Variants in IQCJ observed in about 807,000 individuals in gnomAD.
IQCJ encodes the protein IQ domain-containing protein J.
In IQCJ, 9 loss-of-function variants were observed where a neutral mutation model predicts 11.0. The ratio of observed to expected loss-of-function variants is 0.82; its 90% CI spans 0.49 to 1.43. IQCJ has a LOEUF of 1.43. Among genes scored for constraint, IQCJ ranks in the 40% most tolerant of loss-of-function variants. IQCJ has a pLI of 0.00. For missense variants in IQCJ, 146 were observed against 133.2 expected (o/e 1.10, Z -0.47); for synonymous variants, 55 against 51.3 (o/e 1.07, Z -0.31).
chr3:159,187,661 G>A (rs896288197), intron 1 of IQCJ, among the ~76,000 whole-genome samples: 1 of 152,194 alleles, frequency 6.6e-6, no homozygotes, highest in South Asian at 2.1e-4. Context: ...AACGGCAGAC[G>A]TTATCAGGGA....
At chr3:159,142,660 T>C (rs1308008441) in intron 1 of IQCJ, among the ~76,000 whole-genome samples, 1 of 152,184 alleles carries the variant, frequency 6.6e-6, no homozygotes, top group Non-Finnish European at 1.5e-5. Flanking sequence ...TCAGGTGATC[T>C]ACCTGCCTCA....
intron 2 of IQCJ, among the ~76,000 whole-genome samples, chr3:159,250,792 G>A (rs143466668): frequency 5.4e-4 from 82 of 152,312 alleles, no homozygotes; most frequent in Admixed American, 2.2e-3. Context: ...TTTGGGTGGG[G>A]AGAGAGCCAG....
At chr3:159,172,123 G>A (rs924795996) in intron 1 of IQCJ, among the ~76,000 whole-genome samples, 4 of 152,056 alleles carry the variant, frequency 2.6e-5, no homozygotes, top group African/African-American at 4.8e-5. Flanking sequence ...AAATAGATAC[G>A]GAAAGCAGCT....
intron 1 of IQCJ, among the ~76,000 whole-genome samples, chr3:159,193,387 T>G (rs918542127): frequency 6.6e-6 from 1 of 152,188 alleles, no homozygotes; most frequent in African/African-American, 2.4e-5. Context: ...CAGGGAGTCT[T>G]CCAAAGGTCA....
chr3:159,144,332 C>T (rs1720796993), intron 1 of IQCJ, among the ~76,000 whole-genome samples: 1 of 152,156 alleles, frequency 6.6e-6, no homozygotes, highest in African/African-American at 2.4e-5. Flanking sequence ...CAGTTGTGTG[C>T]AGGAACACTA....
intron 1 of IQCJ, among the ~76,000 whole-genome samples, chr3:159,078,080 C>A (rs927034166): frequency 1.3e-5 from 1 of 75,456 alleles, no homozygotes; most frequent in African/African-American, 3.1e-5. Flanking sequence ...AGTCCTGTGG[C>A]AAAATTTCCT....
chr3:159,184,840 G>A (rs999608005), intron 1 of IQCJ, among the ~76,000 whole-genome samples: 1 of 152,138 alleles, frequency 6.6e-6, no homozygotes, highest in Non-Finnish European at 1.5e-5. Flanking sequence ...GTGTAGTACA[G>A]GTTTACTAAA....
At chr3:159,087,605 T>A (rs1051253231) in intron 1 of IQCJ, among the ~76,000 whole-genome samples, 5 of 147,374 alleles carry the variant, frequency 3.4e-5, no homozygotes, top group Non-Finnish European at 7.6e-5. Context: ...ATCCTGTTAT[T>A]GGTCTATTCA....
intron 1 of IQCJ, among the ~76,000 whole-genome samples, chr3:159,090,370 C>T (rs934816874): frequency 2.6e-5 from 4 of 151,982 alleles, no homozygotes; most frequent in South Asian, 2.1e-4. Flanking sequence ...TCTTCTGCGT[C>T]GCTCACGCTG....
intron 1 of IQCJ, among the ~76,000 whole-genome samples, chr3:159,089,372 T>C (rs1234866623): frequency 6.6e-6 from 1 of 152,148 alleles, no homozygotes; most frequent in Non-Finnish European, 1.5e-5. Context: ...TCATTTCAAC[T>C]TTGGTGAATC....
At chr3:159,167,181 A>G (rs956568447) in intron 1 of IQCJ, among the ~76,000 whole-genome samples, 4 of 152,188 alleles carry the variant, frequency 2.6e-5, no homozygotes, top group Non-Finnish European at 5.9e-5. Flanking sequence ...GAACATGAAA[A>G]TCTACTGGAT....
At chr3:159,090,708 C>A (rs946428361) in intron 1 of IQCJ, among the ~76,000 whole-genome samples, 1 of 151,850 alleles carries the variant, frequency 6.6e-6, no homozygotes, top group Admixed American at 6.5e-5. Context: ...AGCGGCCTCT[C>A]TTTCCACAGG....
At chr3:159,173,666 C>A (rs1436354605) in intron 1 of IQCJ, among the ~76,000 whole-genome samples, 2 of 152,156 alleles carry the variant, frequency 1.3e-5, no homozygotes. Context: ...TGTCTTTTGA[C>A]TCCCTCGCTG....
At chr3:159,162,965 T>C (rs542333780) in intron 1 of IQCJ, among the ~76,000 whole-genome samples, 1 of 152,162 alleles carries the variant, frequency 6.6e-6, no homozygotes, top group African/African-American at 2.4e-5. Context: ...CAGGACCAGA[T>C]GGATTCACAG....
At chr3:159,113,189 T>A (rs1718740560) in intron 1 of IQCJ, among the ~76,000 whole-genome samples, 1 of 152,246 alleles carries the variant, frequency 6.6e-6, no homozygotes. Context: ...ACCTTTATTG[T>A]GAAGTATAGT....
At chr3:159,115,763 G>GT (rs201647331) in intron 1 of IQCJ, among the ~76,000 whole-genome samples, 1,533 of 151,944 alleles carry the variant, frequency 0.01, 15 homozygotes, top group African/African-American at 0.035. Context: ...CTAAAAAAAT[G>GT]TTTTTTTTAA....
intron 1 of IQCJ, among the ~76,000 whole-genome samples, chr3:159,162,673 T>C (rs1290969269): frequency 6.6e-6 from 1 of 152,006 alleles, no homozygotes; most frequent in African/African-American, 2.4e-5. Flanking sequence ...GATAGACCAC[T>C]AGCAAGACTA....
At chr3:159,079,064 A>G (rs1213640659) in intron 1 of IQCJ, among the ~76,000 whole-genome samples, 1 of 152,128 alleles carries the variant, frequency 6.6e-6, no homozygotes, top group Admixed American at 6.6e-5. Context: ...GGTGACAGCC[A>G]GGAGCTGCAT....
At chr3:159,167,855 T>G (rs1353661290) in intron 1 of IQCJ, among the ~76,000 whole-genome samples, 1 of 152,160 alleles carries the variant, frequency 6.6e-6, no homozygotes, top group Non-Finnish European at 1.5e-5. Context: ...CTGGCCATGA[T>G]AGAGGAGGAA....
Sources: gnomAD v4.1 joint callset for allele counts (sites outside exome capture counted in the v4.1 genomes callset) on GRCh38, gnomAD v4.1.1 for gene constraint, MANE v1.5 for transcripts, NCBI Gene and HGNC (gene_info 2026-07-23, HGNC 2026-07-21) for gene names.